The following KMT2D variants were observed in gnomAD, a reference collection of about 807,000 sequenced individuals.
KMT2D encodes the protein histone-lysine N-methyltransferase 2D.
Under a neutral mutation model 512.7 loss-of-function variants are expected in KMT2D, and 55 were observed. The ratio of observed to expected loss-of-function variants is 0.11; its 90% CI spans 0.09 to 0.13. The LOEUF (loss-of-function observed/expected upper bound fraction) is 0.13, where lower values mean the gene tolerates loss of function less well. KMT2D is among the 10% of genes least tolerant of loss of function. The pLI is 1.00. For missense variants in KMT2D, 6,061 were observed against 7,127.9 expected, an observed-to-expected ratio of 0.85 and a Z score of 5.39; for synonymous variants, 2,995 against 2,904.0, an observed-to-expected ratio of 1.03 and a Z score of -1.01.
At chr12:49,047,121 G>A (rs576024905) in intron 15 of KMT2D, among the ~76,000 whole-genome samples, 6 of 152,056 alleles carry the variant, frequency 3.9e-5, no homozygotes, top group Non-Finnish European at 5.9e-5. Context: ...AAAGTGCTGG[G>A]ATTACAGGTG....
At position 49,060,544 on chromosome 12, in the gene KMT2D, C is replaced by A. The variant is rs1938689938; in HGVS notation, c.-969G>T. On this transcript the variant is annotated 5_prime_UTR_variant, in exon 1 of 55. Transcript: ENST00000301067. ...ACTGAGCGGAAAGTGGGGAACGAGG[C>A]AGCCATTTGCAACCGGAGAGGAAAG... Among the ~76,000 whole-genome samples, 1 of 152,220 alleles carries A rather than the reference C, an allele frequency of 6.6e-6. No homozygotes were observed. The highest frequency in any genetic ancestry group is 2.1e-4 in the South Asian group (1 of 4,834).
intron 14 of KMT2D, among the ~76,000 whole-genome samples, chr12:49,048,423 T>A (rs1461556080): frequency 1.3e-5 from 2 of 152,250 alleles, no homozygotes; most frequent in Non-Finnish European, 1.5e-5. Flanking sequence ...TAAAGTTCAA[T>A]AAGGCAAAGA....
At position 49,040,893 on chromosome 12, in the gene KMT2D, C is replaced by T. The variant is rs1213813246; in HGVS notation, c.6877G>A (p.Gly2293Arg). Reference sequence around the variant, plus strand: ...GGCCCATAGCTAGGAGAGGATGCCCCAAGCTCTTCCTTCTTCACCTCTAGG... The same window carrying T: ...GGCCCATAGCTAGGAGAGGATGCCCTAAGCTCTTCCTTCTTCACCTCTAGG... The part of the protein sequence containing the change: ...KALEVKKEEL[G>R]ASSPSYGPPN... The change falls in exon 32 of 55, where the codon GGG becomes AGG. Residue 2293 changes from glycine (G) to arginine (R), a missense_variant. Transcript: ENST00000301067. 3 of 1,613,740 alleles carry T rather than the reference C, an allele frequency of 1.9e-6. No homozygotes were observed. The African/African-American group carries it at 4.0e-5, about 22-fold the overall frequency.
Position 49,037,767 on chromosome 12 carries a change from T to C in KMT2D, c.9589A>G (p.Thr3197Ala). The C allele has an allele frequency of 6.3e-7, 1 of 1,593,230 alleles. No individual in the cohort carries two copies. Among genetic ancestry groups the C allele is most frequent in the Non-Finnish European group, 8.5e-7 (1 of 1,169,710 alleles). ...ATGGPPAHLLTPSPLSGPGGS... is the reference protein window; with the variant it reads ...ATGGPPAHLLAPSPLSGPGGS... Reference sequence around the variant, plus strand: ...CCTGGGCCACTCAGTGGGCTGGGGGTCAGCAGGTGAGCTGGTGGTCCTCCC... The same window carrying C: ...CCTGGGCCACTCAGTGGGCTGGGGGCCAGCAGGTGAGCTGGTGGTCCTCCC... Residue 3197 changes from threonine (T) to alanine (A), a missense_variant, in exon 35 of 55, where the codon ACC becomes GCC. By Grantham distance (58) the Thr-to-Ala change is moderately conservative. Coordinates refer to ENST00000301067, the MANE Select transcript of KMT2D (RefSeq NM_003482.4).
Position 49,044,643 on chromosome 12 carries a change from G to A in KMT2D, c.4963+101C>T. 6.5e-7 allele frequency: 1 copy of A among 1,547,466 alleles called. No individual in the cohort carries two copies. The highest frequency in any genetic ancestry group is 2.3e-5 in the East Asian group (1 of 44,226). On this transcript the variant is annotated intron_variant, in intron 20 of 54. Transcript: ENST00000301067. This position sits in a 1 kb window ranked among gnomAD's most constrained non-coding sequence, Gnocchi z 6.4. ...AGAGCCACTTAGACGAGACAGCAGT[G>A]CTTAAGGGTAACTGAGTGGCAATGT... is the stretch of plus-strand genomic sequence containing the variant.
chr12:49,048,024 G>A lies in KMT2D; in HGVS notation c.4177C>T (p.His1393Tyr), dbSNP rs1371109456. 1 of 1,611,980 alleles carries A rather than the reference G, an allele frequency of 6.2e-7. No homozygotes were observed. Among genetic ancestry groups the A allele is most frequent in the Non-Finnish European group, 8.5e-7 (1 of 1,178,328 alleles). ...GAGCACTGCGAACAGGCAAGGAGGT[G>A]GCCCTCTGCCCCCCGGCCAAAGCTG... ...CGSFGRGAEG[H>Y]LLACSQCSQC... Residue 1393 changes from histidine to tyrosine, a missense_variant, in exon 15 of 55, where the codon CAC (histidine) becomes TAC (tyrosine). His to Tyr is a moderately conservative substitution (Grantham distance 83). Around this residue, in one of 16 missense-constraint regions of KMT2D, gnomAD observed 53 missense variants for 148.3 expected, o/e 0.36. Transcript: ENST00000301067.
rs1274310007 is a variant in KMT2D at position 49,020,147 on chromosome 12, G to C, written c.*1633C>G. The C allele has an allele frequency of 1.1e-5, 2 of 185,354 alleles. No homozygotes were observed. The highest frequency in any genetic ancestry group is 1.1e-5 in the Non-Finnish European group (1 of 87,266). 11.5% of individuals were successfully genotyped at this position (185,354 alleles called of 1,614,324 possible). A position where few individuals can be genotyped will look rare whatever the true frequency, so the allele number is the denominator to read the frequency against. On this transcript the variant is annotated 3_prime_UTR_variant, in exon 55 of 55. Coordinates refer to ENST00000301067, the MANE Select transcript of KMT2D (RefSeq NM_003482.4). ...CTTGGGCAGAAAGGGGAAGGAAAGG[G>C]AGGCAAGGAACCCATCACCCTCTGG... is the stretch of plus-strand genomic sequence containing the variant.
chr12:49,022,821 T>C lies in KMT2D; in HGVS notation c.16107A>G (p.Thr5369=), dbSNP rs2137707605. Residue 5369 remains threonine, a synonymous_variant, in exon 52 of 55, where the codon ACA becomes ACG. Coordinates refer to ENST00000301067, the MANE Select transcript of KMT2D (RefSeq NM_003482.4). This position sits in a 1 kb window ranked among gnomAD's most constrained non-coding sequence, Gnocchi z 8.6. ...SMSKAYQSTF[T]GETNTPYSKQ... ...TGCTGTAGGGGGTGTTGGTCTCGCC[T>C]GTGAAGGTGCTCTGATATGCCTTAG... 6.2e-7 allele frequency: 1 copy of C among 1,613,376 alleles called. No homozygotes were observed. The highest frequency in any genetic ancestry group is 8.5e-7 in the Non-Finnish European group (1 of 1,179,538).
rs753176047 is a variant in KMT2D at position 49,042,604 on chromosome 12, C to A, written c.5824G>T (p.Asp1942Tyr). 1 of 1,613,816 alleles carries A rather than the reference C, an allele frequency of 6.2e-7. No homozygotes were observed. Among genetic ancestry groups the A allele is most frequent in the East Asian group, 2.2e-5 (1 of 44,872 alleles). Residue 1942 changes from aspartate to tyrosine, a missense_variant, in exon 28 of 55, where the codon GAC becomes TAC. Physicochemically the swap from Asp to Tyr is radical, Grantham distance 160 (BLOSUM62 -3). This residue lies in a region of KMT2D where 640 missense variants were observed against 814.3 expected (regional missense o/e 0.79). Coordinates refer to ENST00000301067, the MANE Select transcript of KMT2D (RefSeq NM_003482.4). The surrounding 1 kb of genome is among the most constrained non-coding windows in gnomAD (Gnocchi z 4.4). Reference protein sequence around the residue: ...LGNLPSSSPMDSYPGLCQSPF... With the variant: ...LGNLPSSSPMYSYPGLCQSPF... ...GACTGGCAGAGGCCTGGGTAGGAGT[C>A]CATTGGGCTGCTGGAGGGCAGATTG...
rs1258642596 is a variant in KMT2D at position 49,037,415 on chromosome 12, G to A, written c.9941C>T (p.Ser3314Phe). ...CTGTCGGGCACCTGCAAGACCCAGG[G>A]AAAGCTGCTGTTGGGACCCAGCCAA... is the stretch of plus-strand genomic sequence containing the variant. The part of the protein sequence containing the change: ...PSLAGSQQQL[S>F]LGLAGARQPG... The change falls in exon 35 of 55, where the codon TCC becomes TTC. Residue 3314 changes from serine (S) to phenylalanine (F), a missense_variant. By Grantham distance (155) the Ser-to-Phe change is radical. Coordinates refer to ENST00000301067, the MANE Select transcript of KMT2D (RefSeq NM_003482.4). 1.2e-6 allele frequency: 2 copies of A among 1,601,034 alleles called. No individual in the cohort carries two copies. Among genetic ancestry groups the A allele is most frequent in the Non-Finnish European group, 1.7e-6 (2 of 1,174,174 alleles).
In KMT2D at chr12:49,040,537, C is replaced by T. The variant is rs2120530369; in HGVS notation, c.7233G>A (p.Val2411=). 4.4e-6 allele frequency: 7 copies of T among 1,605,048 alleles called. No individual in the cohort carries two copies. The highest frequency in any genetic ancestry group is 2.2e-5 in the East Asian group (1 of 44,690). Residue 2411 remains valine, a synonymous_variant, in exon 32 of 55, where the codon GTG becomes GTA. Transcript: ENST00000301067. ...TGGACTGGGACTGAGGACTGGCAGG[C>T]ACTCGGGAGAAAGGGTCGGAGGGCA... ...RSLPSDPFSR[V]PASPQSQSSS...
chr12:49,057,164 C>T (rs1472798426), intron 1 of KMT2D, among the ~76,000 whole-genome samples: 2 of 152,154 alleles, frequency 1.3e-5, no homozygotes, highest in East Asian at 3.9e-4. Context: ...AGGGCAGCAG[C>T]CAGGCCCCTC....
At chr12:49,055,406 C>A (rs2120719597) in intron 1 of KMT2D, 45 bp from the exon 2 acceptor site, 2 of 1,324,692 alleles carry the variant, frequency 1.5e-6, no homozygotes, top group South Asian at 1.3e-5. Context: ...TAAGTCTTCC[C>A]AAGAAGCATT....
In KMT2D at chr12:49,040,962, C is replaced by T. The variant is rs777903880; in HGVS notation, c.6808G>A (p.Glu2270Lys). 13 of 1,610,558 alleles carry T rather than the reference C, an allele frequency of 8.1e-6. No homozygotes were observed. Among genetic ancestry groups the T allele is most frequent in the South Asian group, 1.1e-5 (1 of 90,850 alleles). ...AAAGGTGGGGGCGAGAGCAGGGGCT[C>T]GGAAGCTTTGCCTCCCCCTACCCCA... ...SPGVGGGKAS[E>K]PLLSPPPFGE... The change falls in exon 32 of 55, where the codon GAG (glutamate) becomes AAG (lysine). Residue 2270 changes from glutamate to lysine, a missense_variant. By Grantham distance (56) the Glu-to-Lys change is moderately conservative (BLOSUM62 1). This residue lies in a region of KMT2D where 710 missense variants were observed against 647.3 expected (regional missense o/e 1.10). Transcript: ENST00000301067.
chr12:49,039,262 G>T lies in KMT2D; in HGVS notation c.8326C>A (p.Pro2776Thr), dbSNP rs1230189686. The change falls in exon 34 of 55, where the codon CCT becomes ACT. Residue 2776 changes from proline (P) to threonine (T), a missense_variant. Physicochemically the swap from Pro to Thr is conservative, Grantham distance 38. Around this residue, in one of 16 missense-constraint regions of KMT2D, gnomAD observed 527 missense variants for 578.9 expected, o/e 0.91. Coordinates refer to ENST00000301067, the MANE Select transcript of KMT2D (RefSeq NM_003482.4). This position sits in a 1 kb window ranked among gnomAD's most constrained non-coding sequence, Gnocchi z 5.0. Reference protein sequence around the residue: ...FPSDDRLSRPPPPATPSSMDV... With the variant: ...FPSDDRLSRPTPPATPSSMDV... ...ATAGAGGAAGGCGTGGCTGGTGGAGGTGGCCGGGAGAGTCGGTCATCGCTA... is the reference window on the plus strand; with the variant it reads ...ATAGAGGAAGGCGTGGCTGGTGGAGTTGGCCGGGAGAGTCGGTCATCGCTA... 1 of 1,613,518 alleles carries T rather than the reference G, an allele frequency of 6.2e-7. No individual in the cohort carries two copies. Among genetic ancestry groups the T allele is most frequent in the Non-Finnish European group, 8.5e-7 (1 of 1,179,884 alleles).
intron 1 of KMT2D, among the ~76,000 whole-genome samples, chr12:49,058,028 C>T (rs762047763): frequency 4.6e-5 from 7 of 152,214 alleles, no homozygotes; most frequent in Non-Finnish European, 8.8e-5. Context: ...GGGAAATGGA[C>T]GCTTGGAGAA....
Position 49,030,978 on chromosome 12 carries a change from C to T in KMT2D, c.13586G>A (p.Ser4529Asn), listed in dbSNP as rs1354952443. The change falls in exon 41 of 55, where the codon AGC (serine) becomes AAC (asparagine). Residue 4529 changes from serine (S) to asparagine (N), a missense_variant. This residue lies in a region of KMT2D where 1,600 missense variants were observed against 1,754.9 expected (regional missense o/e 0.91). Coordinates refer to ENST00000301067, the MANE Select transcript of KMT2D (RefSeq NM_003482.4). Reference sequence around the variant, plus strand: ...CTTTCGGGAGCTCACCAACCTGTCGCTTGCCTTCTGTACCCGCTTGGGCTT... The same window carrying T: ...CTTTCGGGAGCTCACCAACCTGTCGTTTGCCTTCTGTACCCGCTTGGGCTT... ...TPKPKRVQKA[S>N]DRLVSSRKKL... is the part of the protein sequence containing the mutation. 13 of 1,613,900 alleles carry T rather than the reference C, an allele frequency of 8.1e-6. No homozygotes were observed. The highest frequency in any genetic ancestry group is 1.3e-5 in the African/African-American group (1 of 74,934).
intron 43 of KMT2D, 25 bp downstream of exon 43, chr12:49,030,255 G>C: frequency 1.3e-6 from 2 of 1,579,966 alleles, no homozygotes; most frequent in African/African-American, 1.3e-5. Flanking sequence ...AACTCCACCA[G>C]GGGTGGCATC....
rs768288559 is a variant in KMT2D, at chr12:49,041,017, C to T, written c.6753G>A (p.Ser2251=). 6.1e-5 allele frequency: 97 copies of T among 1,580,988 alleles called. No homozygotes were observed. The highest frequency in any genetic ancestry group is 9.0e-5 in the East Asian group (4 of 44,548). The change falls in exon 32 of 55, where the codon TCG becomes TCA. Residue 2251 remains serine, a synonymous_variant. Transcript: ENST00000301067. The surrounding 1 kb of genome is among the most constrained non-coding windows in gnomAD (Gnocchi z 5.4). ...TCTCAGGCACAGCCAAGTTATCCAGCGAGGGGCAGCGGGGTTTGAGGAATG... is the reference window on the plus strand; with the variant it reads ...TCTCAGGCACAGCCAAGTTATCCAGTGAGGGGCAGCGGGGTTTGAGGAATG... ...PDPFLKPRCP[S]LDNLAVPESP...
Sources: allele counts gnomAD v4.1 joint callset (sites outside exome capture counted in the v4.1 genomes callset), GRCh38; gene constraint gnomAD v4.1.1; regional missense constraint gnomAD v4.1.1; non-coding constraint Gnocchi (gnomAD v3.1); transcripts MANE v1.5; gene names NCBI Gene and HGNC (gene_info 2026-07-23, HGNC 2026-07-21).